Variants in PPP1R9A observed in about 807,000 individuals in gnomAD.
PPP1R9A encodes the protein protein phosphatase 1 regulatory subunit 9A.
Under a neutral mutation model 141.9 loss-of-function variants are expected in PPP1R9A, and 59 were observed. That is an observed-to-expected ratio of 0.42 (90% CI 0.34 to 0.52). The LOEUF (loss-of-function observed/expected upper bound fraction) is 0.52, where lower values mean the gene tolerates loss of function less well. Among genes scored for constraint, PPP1R9A ranks in the 20% least tolerant of loss-of-function variants. PPP1R9A has a pLI of 0.10. For missense variants in PPP1R9A, 1,444 were observed against 1,611.9 expected (o/e 0.90, Z 1.78); for synonymous variants, 500 against 569.7 (o/e 0.88, Z 1.74).
intron 7 of PPP1R9A, among the ~76,000 whole-genome samples, chr7:95,210,300 A>G (rs139053392): frequency 3.3e-5 from 5 of 152,258 alleles, no homozygotes; most frequent in Non-Finnish European, 7.4e-5. Flanking sequence ...CAACCTGTCA[A>G]AAGATCCAAT....
intron 1 of PPP1R9A, 117 bp downstream of exon 1, chr7:94,907,819 G>T (rs913966210): frequency 5.3e-5 from 8 of 150,672 alleles, no homozygotes; most frequent in Non-Finnish European, 7.4e-5. Flanking sequence ...TTCCCCGGCC[G>T]GCACCCCTGG....
chr7:95,246,790 G>A (rs186430778), intron 8 of PPP1R9A, among the ~76,000 whole-genome samples: 5 of 152,194 alleles, frequency 3.3e-5, no homozygotes, highest in East Asian at 1.9e-4. Context: ...AAAACAAAGC[G>A]GGGGGAGGGA....
intron 2 of PPP1R9A, among the ~76,000 whole-genome samples, chr7:95,015,574 A>C (rs1174633130): frequency 6.6e-6 from 1 of 152,156 alleles, no homozygotes; most frequent in Non-Finnish European, 1.5e-5. Flanking sequence ...AAATGAACAG[A>C]GTTTCATGGA....
chr7:95,052,872 T>C (rs1290186092), intron 2 of PPP1R9A, among the ~76,000 whole-genome samples: 6 of 152,206 alleles, frequency 3.9e-5, no homozygotes, highest in African/African-American at 1.4e-4. Context: ...CAATTCTAAG[T>C]CTGCAATATC....
intron 2 of PPP1R9A, among the ~76,000 whole-genome samples, chr7:94,946,995 C>A (rs1362341321): frequency 6.6e-6 from 1 of 152,052 alleles, no homozygotes; most frequent in African/African-American, 2.4e-5. Flanking sequence ...TTATTTGTAT[C>A]CTTTTATTAT....
chr7:95,236,046 G>A (rs1796632082), intron 8 of PPP1R9A, among the ~76,000 whole-genome samples: 1 of 152,110 alleles, frequency 6.6e-6, no homozygotes, highest in South Asian at 2.1e-4. Context: ...AGTGTACACT[G>A]CTCAGGTGAT....
intron 2 of PPP1R9A, among the ~76,000 whole-genome samples, chr7:94,974,405 G>A (rs1799205111): frequency 6.6e-6 from 1 of 152,158 alleles, no homozygotes; most frequent in South Asian, 2.1e-4. Context: ...TAAGTTGAGT[G>A]TTATCTTTAT....
At chr7:95,190,646 G>A (rs1585164291) in intron 5 of PPP1R9A, among the ~76,000 whole-genome samples, 1 of 152,192 alleles carries the variant, frequency 6.6e-6, no homozygotes, top group Admixed American at 6.5e-5. Flanking sequence ...TCCTAAGTTG[G>A]TCGGCCTCCA....
chr7:95,271,366 G>A (rs705374), intron 14 of PPP1R9A, among the ~76,000 whole-genome samples: 136,633 of 152,188 alleles, frequency 0.9, 61,513 homozygotes, highest in East Asian at 1. Flanking sequence ...GCAGTAGACA[G>A]TGACAGGAAA....
intron 2 of PPP1R9A, among the ~76,000 whole-genome samples, chr7:94,957,157 T>C (rs1412315987): frequency 2.0e-5 from 3 of 152,150 alleles, no homozygotes; most frequent in African/African-American, 4.8e-5. Flanking sequence ...CGGTTAATAA[T>C]AGACTTATTC....
intron 16 of PPP1R9A, among the ~76,000 whole-genome samples, chr7:95,282,462 A>C (rs997483082): frequency 2.0e-5 from 3 of 152,218 alleles, no homozygotes; most frequent in African/African-American, 7.2e-5. Context: ...GACCATCTCC[A>C]TGGAGACATT....
chr7:94,971,428 C>T (rs1798847457), intron 2 of PPP1R9A, among the ~76,000 whole-genome samples: 1 of 152,308 alleles, frequency 6.6e-6, no homozygotes, highest in East Asian at 1.9e-4. Flanking sequence ...CTTTATTACC[C>T]ATGGCCAGAT....
chr7:95,110,835 A>G (rs1820424448), intron 2 of PPP1R9A, among the ~76,000 whole-genome samples: 2 of 152,192 alleles, frequency 1.3e-5, no homozygotes, highest in Non-Finnish European at 2.9e-5. Flanking sequence ...TATAATACTG[A>G]CACCCTGCTA....
intron 12 of PPP1R9A, among the ~76,000 whole-genome samples, chr7:95,264,255 C>T (rs1800905113): frequency 6.6e-6 from 1 of 152,188 alleles, no homozygotes; most frequent in Non-Finnish European, 1.5e-5. Flanking sequence ...TGATGCTCAG[C>T]ACCTCCATTG....
At chr7:95,200,842 G>T (rs2152866918) in intron 6 of PPP1R9A, among the ~76,000 whole-genome samples, 1 of 152,250 alleles carries the variant, frequency 6.6e-6, no homozygotes, top group East Asian at 1.9e-4. Flanking sequence ...AGCCAGAAGA[G>T]ATTTTCTTTT....
chr7:95,099,961 C>T (rs1818540698), intron 2 of PPP1R9A, among the ~76,000 whole-genome samples: 1 of 151,946 alleles, frequency 6.6e-6, no homozygotes, highest in Non-Finnish European at 1.5e-5. Flanking sequence ...TAAAACTCTG[C>T]TTATCTTGAA....
intron 2 of PPP1R9A, among the ~76,000 whole-genome samples, chr7:95,096,878 G>A (rs530941448): frequency 1.3e-4 from 20 of 152,190 alleles, no homozygotes; most frequent in African/African-American, 4.6e-4. Flanking sequence ...ATTGCAGGCT[G>A]AAGTCTTTGC....
intron 4 of PPP1R9A, among the ~76,000 whole-genome samples, chr7:95,127,400 C>T (rs940833139): frequency 2.0e-5 from 3 of 152,092 alleles, no homozygotes; most frequent in African/African-American, 7.2e-5. Flanking sequence ...ACATTGATCT[C>T]TGATCTCTGA....
At chr7:95,181,161 GATAT>G (rs960062890) in intron 5 of PPP1R9A, among the ~76,000 whole-genome samples, 1 of 145,124 alleles carries the variant, frequency 6.9e-6, no homozygotes, top group Non-Finnish European at 1.5e-5. Flanking sequence ...TAGAAACTGT[GATAT>G]ATATATAGAT....
Sources: gnomAD v4.1 joint callset for allele counts (sites outside exome capture counted in the v4.1 genomes callset) on GRCh38, gnomAD v4.1.1 for gene constraint, MANE v1.5 for transcripts, NCBI Gene and HGNC (gene_info 2026-07-23, HGNC 2026-07-21) for gene names.